CTCFL: variants seen among roughly 807,000 people sequenced by gnomAD.
CTCFL encodes the protein CCCTC-binding factor like.
A neutral mutation model predicts 67.4 loss-of-function variants in CTCFL; 36 were observed. The observed-to-expected ratio is 0.53, with a 90% CI of 0.41 to 0.71. The LOEUF is 0.71. CTCFL is among the 30% of genes least tolerant of loss of function. The pLI is 0.00. For missense variants in CTCFL, 786 were observed against 835.2 expected, an observed-to-expected ratio of 0.94 and a Z score of 0.73; for synonymous variants, 324 against 302.3, an observed-to-expected ratio of 1.07 and a Z score of -0.75.
Position 57,515,717 on chromosome 20 carries a change from A to T in CTCFL, c.1177T>A (p.Ser393Thr). 6.2e-7 allele frequency: 1 copy of T among 1,614,152 alleles called. No homozygotes were observed. Among genetic ancestry groups the T allele is most frequent in the Non-Finnish European group, 8.5e-7 (1 of 1,180,022 alleles). Residue 393 changes from serine (S) to threonine (T), a missense_variant, in exon 6 of 11, where the codon TCA becomes ACA. Ser to Thr is a moderately conservative substitution (Grantham distance 58). This residue lies in a region of CTCFL where 254 missense variants were observed against 333.9 expected (regional missense o/e 0.76). Coordinates refer to ENST00000243914, the MANE Select transcript of CTCFL (RefSeq NM_001386993.1). ...CCTTCAGCACCAGAGCCCTTACCTG[A>T]GTGCGTTCTCATGTGGCGTTTCAGC... Reference protein sequence around the residue: ...YKLKRHMRTHSGEKPYECHIC... With the variant: ...YKLKRHMRTHTGEKPYECHIC...
intron 10 of CTCFL, 67 bp from the exon 11 acceptor site, chr20:57,498,768 C>A (rs540272394): frequency 2.1e-6 from 3 of 1,440,532 alleles, no homozygotes; most frequent in African/African-American, 1.4e-5. Flanking sequence ...ATAAACTGTG[C>A]AAATATATTT....
At chr20:57,520,462 T>A (rs1331977985) in intron 3 of CTCFL, among the ~76,000 whole-genome samples, 1 of 152,086 alleles carries the variant, frequency 6.6e-6, no homozygotes, top group African/African-American at 2.4e-5. Flanking sequence ...GGCAAAAAAA[T>A]GTCACAAGCA....
chr20:57,518,932 A>C, intron 4 of CTCFL, 41 bp from the exon 5 acceptor site: 1 of 1,569,700 alleles, frequency 6.4e-7, no homozygotes. Flanking sequence ...ACAAGACTTA[A>C]CCAGAAACAT....
Position 57,503,517 on chromosome 20 carries a change from T to C in CTCFL, c.1759A>G (p.Arg587Gly), listed in dbSNP as rs2068023671. ...ASGKGRRTRK[R>G]KQTILKEATK... ...GCTTCCTTCAGGATGGTCTGCTTCC[T>C]CTTTCTTGTTCTTCTTCCCTTTCCT... The change falls in exon 10 of 11, where the codon AGG becomes GGG. Residue 587 changes from arginine (R) to glycine (G), a missense_variant. Coordinates refer to ENST00000243914, the MANE Select transcript of CTCFL (RefSeq NM_001386993.1). 3.1e-6 allele frequency: 5 copies of C among 1,614,096 alleles called. No homozygotes were observed. Among genetic ancestry groups the C allele is most frequent in the Non-Finnish European group, 4.2e-6 (5 of 1,180,044 alleles).
At position 57,498,037 on chromosome 20, in the gene CTCFL, T is replaced by C. The variant is rs187890231; in HGVS notation, c.*513A>G. 4 of 901,044 alleles carry C rather than the reference T, an allele frequency of 4.4e-6. No individual in the cohort carries two copies. Among genetic ancestry groups the C allele is most frequent in the Admixed American group, 1.2e-4 (2 of 16,186 alleles). The allele number at this position is 901,044 out of a possible 1,614,324, so 55.8% of individuals were successfully genotyped here. A position where few individuals can be genotyped will look rare whatever the true frequency, so the allele number is the denominator to read the frequency against. On this transcript the variant is annotated 3_prime_UTR_variant, in exon 11 of 11. Coordinates refer to ENST00000243914, the MANE Select transcript of CTCFL (RefSeq NM_001386993.1). ...CTTTAAATTTTGTAGAAAATTCATTTGTATAAAAACATTTGTCTTTAATGT... is the reference window on the plus strand; with the variant it reads ...CTTTAAATTTTGTAGAAAATTCATTCGTATAAAAACATTTGTCTTTAATGT...
At chr20:57,502,775 G>C (rs1158513383) in intron 10 of CTCFL, among the ~76,000 whole-genome samples, 1 of 152,230 alleles carries the variant, frequency 6.6e-6, no homozygotes, top group Non-Finnish European at 1.5e-5. Flanking sequence ...CGAAGACTGT[G>C]ATGGCTGTGG....
chr20:57,519,222 C>T lies in CTCFL; in HGVS notation c.910G>A (p.Val304Ile). 1 of 1,614,118 alleles carries T rather than the reference C, an allele frequency of 6.2e-7. No homozygotes were observed. Among genetic ancestry groups the T allele is most frequent in the Non-Finnish European group, 8.5e-7 (1 of 1,180,020 alleles). ...FRTVTLLRNHVNTHTGTRPYK... is the reference protein window; with the variant it reads ...FRTVTLLRNHINTHTGTRPYK... Reference sequence around the variant, plus strand: ...GCAGTTTTACCTGTGTGGGTGTTAACATGGTTCCGCAGCAGAGTGACCGTA... The same window carrying T: ...GCAGTTTTACCTGTGTGGGTGTTAATATGGTTCCGCAGCAGAGTGACCGTA... Residue 304 changes from valine (V) to isoleucine (I), a missense_variant, in exon 4 of 11, where the codon GTT becomes ATT. Val to Ile is a conservative substitution (Grantham distance 29, BLOSUM62 3). Coordinates refer to ENST00000243914, the MANE Select transcript of CTCFL (RefSeq NM_001386993.1).
chr20:57,516,366 T>G (rs2068924728), intron 5 of CTCFL, among the ~76,000 whole-genome samples: 1 of 152,082 alleles, frequency 6.6e-6, no homozygotes, highest in Non-Finnish European at 1.5e-5. Context: ...AGCAAAACCC[T>G]GTCTCCACCA....
chr20:57,496,589 A>G (rs954697775), downstream of CTCFL, among the ~76,000 whole-genome samples: 8 of 152,190 alleles, frequency 5.3e-5, no homozygotes, highest in Non-Finnish European at 1.2e-4. Flanking sequence ...TCCACTAAAC[A>G]CTAACTCTCC....
At chr20:57,507,928 ATTCT>A in intron 9 of CTCFL, 2 of 672,842 alleles carry the variant, frequency 3.0e-6, no homozygotes, top group Non-Finnish European at 5.4e-6. Flanking sequence ...CAACAGCACT[ATTCT>A]TTTTTTTTTA....
intron 9 of CTCFL, among the ~76,000 whole-genome samples, chr20:57,504,567 C>A (rs1466419637): frequency 6.6e-6 from 1 of 151,814 alleles, no homozygotes; most frequent in African/African-American, 2.4e-5. Flanking sequence ...CAGGCGTGAG[C>A]CACCGCACTG....
At chr20:57,509,828 C>T (rs919959507) in intron 8 of CTCFL, among the ~76,000 whole-genome samples, 13 of 152,258 alleles carry the variant, frequency 8.5e-5, no homozygotes, top group East Asian at 5.8e-4. Flanking sequence ...GCATCTCTGG[C>T]GCTCCCTGCT....
At chr20:57,518,675 C>T (rs1330363690) in intron 5 of CTCFL, 83 bp downstream of exon 5, 1 of 1,606,950 alleles carries the variant, frequency 6.2e-7, no homozygotes, top group African/African-American at 1.3e-5. Flanking sequence ...GTAACAGATT[C>T]TACTGTTAGT....
intron 8 of CTCFL, 35 bp from the exon 9 acceptor site, chr20:57,508,823 T>C: frequency 6.3e-7 from 1 of 1,589,556 alleles, no homozygotes; most frequent in Non-Finnish European, 8.6e-7. Context: ...GCTTGTCTAG[T>C]TCAAAGGGTT....
At position 57,503,564 on chromosome 20, in the gene CTCFL, C is replaced by T; in HGVS notation, c.1712G>A (p.Gly571Glu). The part of the protein sequence containing the change: ...LHRHSEKCGS[G>E]EAKSAASGKG... ...TCCTGAAGCAGCCGACTTTGCTTCC[C>T]CTGATCCACACTTCTCCGAATGTCT... Residue 571 changes from glycine (G) to glutamate (E), a missense_variant, in exon 10 of 11, where the codon GGG (glycine) becomes GAG (glutamate). This residue lies in a region of CTCFL where 199 missense variants were observed against 196.7 expected (regional missense o/e 1.01). Transcript: ENST00000243914. 6.2e-7 allele frequency: 1 copy of T among 1,614,198 alleles called. No homozygotes were observed. Among genetic ancestry groups the T allele is most frequent in the Non-Finnish European group, 8.5e-7 (1 of 1,180,028 alleles).
chr20:57,505,577 T>C (rs1488927365), intron 9 of CTCFL, among the ~76,000 whole-genome samples: 5 of 152,224 alleles, frequency 3.3e-5, no homozygotes, highest in African/African-American at 9.6e-5. Context: ...TTTTCTAGAA[T>C]GTTTCTACTC....
intron 6 of CTCFL, chr20:57,515,360 G>A: frequency 3.8e-6 from 1 of 259,924 alleles, no homozygotes. Flanking sequence ...GACCAGGCTG[G>A]TCTCAAACTC....
intron 7 of CTCFL, chr20:57,513,574 CAA>C (rs552691774): frequency 5.4e-6 from 6 of 1,107,732 alleles, no homozygotes; most frequent in Non-Finnish European, 6.7e-6. Context: ...GCCATGGTGT[CAA>C]AAAAGTCTAG....
intron 5 of CTCFL, 45 bp downstream of exon 5, chr20:57,518,713 C>T (rs763928247): frequency 6.2e-7 from 1 of 1,613,984 alleles, no homozygotes; most frequent in Non-Finnish European, 8.5e-7. Context: ...GTACAGCAGC[C>T]TCTACTAAGA....
Sources: allele counts gnomAD v4.1 joint callset (sites outside exome capture counted in the v4.1 genomes callset), GRCh38; gene constraint gnomAD v4.1.1; regional missense constraint gnomAD v4.1.1; transcripts MANE v1.5; gene names NCBI Gene and HGNC (gene_info 2026-07-23, HGNC 2026-07-21).